Variants in C4BPA observed in about 807,000 individuals in gnomAD.
The protein encoded by C4BPA is C4b-binding protein alpha chain.
C4BPA carries 31 observed loss-of-function variants against 63.7 expected under a neutral mutation model. The observed-to-expected ratio is 0.49, with a 90% CI of 0.37 to 0.66. The LOEUF (loss-of-function observed/expected upper bound fraction) is 0.66. Ranked by LOEUF, C4BPA falls within the 30% of genes least tolerant of loss-of-function variation. The probability of loss-of-function intolerance (pLI) is 0.00; values close to 1 mark genes in which losing one functional copy is unlikely to be tolerated. For missense variants in C4BPA, 572 were observed against 723.3 expected, an observed-to-expected ratio of 0.79 and a Z score of 2.40; for synonymous variants, 259 against 254.7, an observed-to-expected ratio of 1.02 and a Z score of -0.16.
rs1391539231 is a variant in C4BPA at position 207,123,919 on chromosome 1, C to T, written c.429-3C>T. The T allele has an allele frequency of 1.3e-6, 2 of 1,586,336 alleles. No homozygotes were observed. Among genetic ancestry groups the T allele is most frequent in the African/African-American group, 1.3e-5 (1 of 74,486 alleles). On this transcript the variant is annotated splice_region_variant and splice_polypyrimidine_tract_variant and intron_variant, in intron 4 of 11. Coordinates refer to ENST00000367070, the MANE Select transcript of C4BPA (RefSeq NM_000715.4). ...ATTAAAATCTTTGATCTATCTTATT[C>T]AGATTTTTCTTAATTGGCTCAACCA...
rs57449727 is a variant in C4BPA at position 207,116,516 on chromosome 1, ATGTGTG to A, written c.428+1039_428+1044del. 9.8e-3 allele frequency among the ~76,000 whole-genome samples: 780 copies of A among 79,954 alleles called. 2 individuals are homozygous for A. Among genetic ancestry groups the A allele is most frequent in the Middle Eastern group, 0.023 (4 of 174 alleles). The allele number at this position is 79,954 out of a possible 152,430, so 52.5% of individuals were successfully genotyped here. On this transcript the variant is annotated intron_variant, in intron 4 of 11. Coordinates refer to ENST00000367070, the MANE Select transcript of C4BPA (RefSeq NM_000715.4). ...CCACAGTGTGTGTGTGTGTGTGTAT[ATGTGTG>A]TGTGTGTGTGTGTGTGTGTGTGTGT...
chr1:207,122,030 A>G (rs1684932796), intron 4 of C4BPA, among the ~76,000 whole-genome samples: 2 of 152,214 alleles, frequency 1.3e-5, no homozygotes, highest in Admixed American at 1.3e-4. Flanking sequence ...TTTCTTAGTT[A>G]TACTATTTCA....
intron 1 of C4BPA, among the ~76,000 whole-genome samples, chr1:207,109,990 G>A (rs889135359): frequency 6.6e-6 from 1 of 152,224 alleles, no homozygotes; most frequent in Non-Finnish European, 1.5e-5. Flanking sequence ...ATCACTAGGA[G>A]CTTTTGGATT....
intron 11 of C4BPA, 29 bp from the exon 12 acceptor site, chr1:207,144,515 C>A: frequency 6.4e-7 from 1 of 1,556,870 alleles, no homozygotes. Context: ...AGAAGCTTCT[C>A]AATCACACCC....
chr1:207,131,475 G>A, intron 7 of C4BPA, 71 bp from the exon 8 acceptor site: 3 of 1,087,234 alleles, frequency 2.8e-6, no homozygotes, highest in Non-Finnish European at 2.7e-6. Context: ...TGATAGGACA[G>A]GCTTATTGAC....
At chr1:207,123,788 T>C (rs1476907395) in intron 4 of C4BPA, 134 bp from the exon 5 acceptor site, 11 of 616,232 alleles carry the variant, frequency 1.8e-5, no homozygotes, top group Non-Finnish European at 2.6e-5. Context: ...ATGGAGTGCT[T>C]AATGGGAAAT....
intron 9 of C4BPA, among the ~76,000 whole-genome samples, chr1:207,137,587 ATATGT>A (rs1313796775): frequency 7.0e-6 from 1 of 142,444 alleles, no homozygotes; most frequent in African/African-American, 2.8e-5. Context: ...GGTTGTGGAG[ATATGT>A]TTTGTTTTGT....
At chr1:207,137,218 A>G (rs1685299016) in intron 9 of C4BPA, among the ~76,000 whole-genome samples, 1 of 152,170 alleles carries the variant, frequency 6.6e-6, no homozygotes, top group South Asian at 2.1e-4. Context: ...TAAGGGGATT[A>G]GGGGTGGAGG....
rs141737914 is a variant in C4BPA at position 207,143,794 on chromosome 1, C to T, written c.1445-24C>T. ...TCCTTCTTCATAGATTTACAGATTTCTTAAAAATATGTTTCCATTACAGCT... is the reference window on the plus strand; with the variant it reads ...TCCTTCTTCATAGATTTACAGATTTTTTAAAAATATGTTTCCATTACAGCT... On this transcript the variant is annotated intron_variant, in intron 10 of 11. Transcript: ENST00000367070. 3.4e-3 allele frequency: 5,264 copies of T among 1,561,210 alleles called. 21 individuals carry two copies. The highest frequency in any genetic ancestry group is 3.4e-3 in the Non-Finnish European group (3,813 of 1,134,028).
intron 1 of C4BPA, among the ~76,000 whole-genome samples, chr1:207,112,043 A>G (rs1684677174): frequency 6.6e-6 from 1 of 152,160 alleles, no homozygotes; most frequent in Admixed American, 6.5e-5. Context: ...ACTTTTTCCT[A>G]ACACAAACTT....
chr1:207,108,125 AATTATT>A (rs926397784), intron 1 of C4BPA, among the ~76,000 whole-genome samples: 1 of 151,932 alleles, frequency 6.6e-6, no homozygotes, highest in Non-Finnish European at 1.5e-5. Context: ...TTTTAACTTA[AATTATT>A]ATTATTATTA....
chr1:207,142,758 A>C (rs1685446873), intron 10 of C4BPA, among the ~76,000 whole-genome samples: 1 of 152,200 alleles, frequency 6.6e-6, no homozygotes, highest in African/African-American at 2.4e-5. Context: ...CAGCAATCAA[A>C]ACTGTGAGTG....
At chr1:207,128,530 A>G (rs1004217619) in intron 7 of C4BPA, among the ~76,000 whole-genome samples, 3 of 152,236 alleles carry the variant, frequency 2.0e-5, no homozygotes, top group Non-Finnish European at 4.4e-5. Context: ...TGAAAAAAGT[A>G]GAACAATCAG....
At position 207,130,486 on chromosome 1, in the gene C4BPA, C is replaced by G. The variant is rs142534907; in HGVS notation, c.890-1060C>G. 2.5e-4 allele frequency among the ~76,000 whole-genome samples: 38 copies of G among 152,192 alleles called. No individual in the cohort carries two copies. In the East Asian group the frequency reaches 7.1e-3, roughly 29 times the overall value. On this transcript the variant is annotated intron_variant, in intron 7 of 11. Coordinates refer to ENST00000367070, the MANE Select transcript of C4BPA (RefSeq NM_000715.4). ...ATAAATGAAAACATATGTCCACACA[C>G]AAAAATTTTACATGAAGATTCATAG... is the stretch of plus-strand genomic sequence containing the variant.
At chr1:207,124,483 T>C in intron 6 of C4BPA, 117 bp downstream of exon 6, 1 of 721,130 alleles carries the variant, frequency 1.4e-6, no homozygotes, top group Non-Finnish European at 2.3e-6. Context: ...TAACTATCGC[T>C]CTGATGCAAT....
At chr1:207,131,871 C>A in intron 8 of C4BPA, 131 bp downstream of exon 8, 1 of 642,278 alleles carries the variant, frequency 1.6e-6, no homozygotes, top group Non-Finnish European at 2.6e-6. Flanking sequence ...GATTAGTAAA[C>A]TGTTAGTGCC....
At chr1:207,143,723 C>A in intron 10 of C4BPA, 95 bp from the exon 11 acceptor site, 1 of 822,180 alleles carries the variant, frequency 1.2e-6, no homozygotes, top group Non-Finnish European at 1.9e-6. Flanking sequence ...GAACAATTAG[C>A]AGAACTAAAT....
intron 1 of C4BPA, among the ~76,000 whole-genome samples, chr1:207,110,218 G>A (rs190044883): frequency 6.6e-4 from 101 of 152,248 alleles, no homozygotes; most frequent in African/African-American, 2.4e-3. Flanking sequence ...GGATAGGAGG[G>A]AATGCTGGAG....
intron 1 of C4BPA, among the ~76,000 whole-genome samples, chr1:207,105,550 T>G (rs1297943042): frequency 1.0e-5 from 1 of 98,192 alleles, no homozygotes; most frequent in Non-Finnish European, 1.9e-5. Context: ...AGAGTGAAAC[T>G]CCACCTCAAA....
Sources: allele counts gnomAD v4.1 joint callset (sites outside exome capture counted in the v4.1 genomes callset), GRCh38; gene constraint gnomAD v4.1.1; transcripts MANE v1.5; gene names NCBI Gene and HGNC (gene_info 2026-07-23, HGNC 2026-07-21).